The following UBALD1 variants were observed in gnomAD, a reference collection of about 807,000 sequenced individuals.
The protein encoded by UBALD1 is UBA-like domain-containing protein 1.
UBALD1 carries 5 observed loss-of-function variants against 16.1 expected under a neutral mutation model. The ratio of observed to expected loss-of-function variants is 0.31; its 90% CI spans 0.16 to 0.66. The LOEUF (loss-of-function observed/expected upper bound fraction) is 0.66. Ranked by LOEUF, UBALD1 falls within the 30% of genes least tolerant of loss-of-function variation. The pLI, the probability that UBALD1 is intolerant of heterozygous loss-of-function variation, is 0.77. For missense variants in UBALD1, 220 were observed against 252.8 expected (o/e 0.87, Z 0.88); for synonymous variants, 146 against 105.3 (o/e 1.39, Z -2.37).
rs762398208 is a variant in UBALD1, at chr16:4,609,731, G to T, written c.436C>A (p.Pro146Thr). The T allele has an allele frequency of 6.7e-7, 1 of 1,491,992 alleles. No individual in the cohort carries two copies. The allele number at this position is 1,491,992 out of a possible 1,614,324, so 92.4% of individuals were successfully genotyped here. ...HHQPQPPLWT[P>T]TPPSPASDWP... is the part of the protein sequence containing the mutation. ...TCTGAAGCCGGAGAAGGGGGTGTTGGAGTCCACAGGGGCGGCTGTGGCTGG... is the reference window on the plus strand; with the variant it reads ...TCTGAAGCCGGAGAAGGGGGTGTTGTAGTCCACAGGGGCGGCTGTGGCTGG... Residue 146 changes from proline to threonine, a missense_variant, in exon 3 of 3, where the codon CCA becomes ACA. Physicochemically the swap from Pro to Thr is conservative, Grantham distance 38 (BLOSUM62 -1). This residue lies in a region of UBALD1 where 151 missense variants were observed against 132.6 expected (regional missense o/e 1.14). Coordinates refer to ENST00000283474, the MANE Select transcript of UBALD1 (RefSeq NM_145253.3).
Position 4,609,653 on chromosome 16 carries a change from C to A in UBALD1, c.514G>T (p.Ala172Ser). ...QATSEPRAHPAMEAER is the reference protein window; with the variant it reads ...QATSEPRAHPSMEAER ...CTCCCTTATCTCTCTGCCTCCATGG[C>A]AGGGTGGGCCCTGGGTTCTGAGGTG... Residue 172 changes from alanine (A) to serine (S), a missense_variant, in exon 3 of 3, where the codon GCC becomes TCC. Physicochemically the swap from Ala to Ser is moderately conservative, Grantham distance 99. Coordinates refer to ENST00000283474, the MANE Select transcript of UBALD1 (RefSeq NM_145253.3). The A allele has an allele frequency of 7.0e-7, 1 of 1,419,598 alleles. No individual in the cohort carries two copies. The highest frequency in any genetic ancestry group is 9.2e-7 in the Non-Finnish European group (1 of 1,085,290). 87.9% of individuals were successfully genotyped at this position (1,419,598 alleles called of 1,614,324 possible).
chr16:4,611,881 C>A (rs538723319), intron 1 of UBALD1, among the ~76,000 whole-genome samples: 2 of 152,190 alleles, frequency 1.3e-5, no homozygotes, highest in African/African-American at 2.4e-5. Flanking sequence ...CGGGGCCCTG[C>A]CAAGTCCCAG....
intron 1 of UBALD1, among the ~76,000 whole-genome samples, chr16:4,612,063 ATTTTTT>A (rs35403269): frequency 8.5e-6 from 1 of 117,168 alleles, no homozygotes. Flanking sequence ...GGCTATTTAG[ATTTTTT>A]TTTTTTTTTT....
chr16:4,614,567 G>T, intron 1 of UBALD1, 111 bp downstream of exon 1: 1 of 1,284,506 alleles, frequency 7.8e-7, no homozygotes, highest in Non-Finnish European at 9.9e-7. Context: ...TCTGCGGCCC[G>T]GAGGGGGCGC....
chr16:4,610,288 G>GC (rs759408427), intron 2 of UBALD1: 2 of 714,498 alleles, frequency 2.8e-6, no homozygotes, highest in Non-Finnish European at 5.0e-6. Context: ...AGAGGCCAGC[G>GC]CCCCCCAGGT....
intron 1 of UBALD1, among the ~76,000 whole-genome samples, chr16:4,612,215 C>T (rs938358278): frequency 4.6e-5 from 7 of 152,144 alleles, no homozygotes; most frequent in East Asian, 1.9e-4. Context: ...AGGCACGTGC[C>T]ACCACACCTG....
chr16:4,614,270 T>C, intron 1 of UBALD1: 2 of 351,690 alleles, frequency 5.7e-6, no homozygotes, highest in East Asian at 8.4e-5. Context: ...ACGCGGACCC[T>C]CGGACCACTC....
At chr16:4,610,760 T>G in intron 1 of UBALD1, 1 of 573,692 alleles carries the variant, frequency 1.7e-6, no homozygotes, top group Non-Finnish European at 3.1e-6. Context: ...CCTTGGGCAG[T>G]TGGGGTGGGT....
chr16:4,610,003 G>A lies in UBALD1; in HGVS notation c.184-20C>T, dbSNP rs1006300490. On this transcript the variant is annotated intron_variant, in intron 2 of 2. Coordinates refer to ENST00000283474, the MANE Select transcript of UBALD1 (RefSeq NM_145253.3). ...GCACATCTGTGAGGGGAAGAGAGGA[G>A]AGATGGGGTGAGCACCCCTTCCTGG... 2.0e-6 allele frequency: 3 copies of A among 1,532,074 alleles called. No homozygotes were observed. The highest frequency in any genetic ancestry group is 4.6e-5 in the East Asian group (2 of 43,180). The allele number at this position is 1,532,074 out of a possible 1,614,324, so 94.9% of individuals were successfully genotyped here. A position where few individuals can be genotyped will look rare whatever the true frequency, so the allele number is the denominator to read the frequency against.
intron 1 of UBALD1, 135 bp from the exon 2 acceptor site, chr16:4,610,690 G>A (rs776384386): frequency 1.1e-6 from 1 of 946,098 alleles, no homozygotes. Context: ...GCGGTGCTGA[G>A]GCTCAGTGGC....
chr16:4,610,679 C>A, intron 1 of UBALD1, 124 bp from the exon 2 acceptor site: 1 of 1,105,928 alleles, frequency 9.0e-7, no homozygotes, highest in South Asian at 1.5e-5. Flanking sequence ...AGGGGTGAGT[C>A]GCGGTGCTGA....
At chr16:4,613,581 A>G (rs1008684757) in intron 1 of UBALD1, among the ~76,000 whole-genome samples, 2 of 152,058 alleles carry the variant, frequency 1.3e-5, no homozygotes, top group African/African-American at 4.8e-5. Context: ...CCTCATGGAG[A>G]AACCAGGTTC....
intron 1 of UBALD1, 174 bp downstream of exon 1, chr16:4,614,504 G>T: frequency 8.7e-7 from 1 of 1,146,572 alleles, no homozygotes; most frequent in African/African-American, 1.6e-5. Flanking sequence ...TCCGCCCGCC[G>T]CGAGCCCTTG....
chr16:4,612,831 C>G (rs969751989), intron 1 of UBALD1, among the ~76,000 whole-genome samples: 2 of 152,154 alleles, frequency 1.3e-5, no homozygotes, highest in Non-Finnish European at 2.9e-5. Context: ...GCGGCCCCCA[C>G]TTTACAGATG....
Position 4,609,437 on chromosome 16 carries a change from G to A in UBALD1, c.*196C>T, listed in dbSNP as rs940765585. On this transcript the variant is annotated 3_prime_UTR_variant, in exon 3 of 3. Coordinates refer to ENST00000283474, the MANE Select transcript of UBALD1 (RefSeq NM_145253.3). Reference sequence around the variant, plus strand: ...ACCACTCCATGTGCCGGGGCCGCTGGGGCCATGACCTTGCGTGTGGGCAGC... The same window carrying A: ...ACCACTCCATGTGCCGGGGCCGCTGAGGCCATGACCTTGCGTGTGGGCAGC... The A allele has an allele frequency of 4.5e-5, 18 of 400,974 alleles. No homozygotes were observed. The Admixed American group carries it at 7.8e-4, about 17-fold the overall frequency. The allele number at this position is 400,974 out of a possible 1,614,324, so 24.8% of individuals were successfully genotyped here.
chr16:4,613,454 C>T (rs1427503518), intron 1 of UBALD1, among the ~76,000 whole-genome samples: 1 of 152,156 alleles, frequency 6.6e-6, no homozygotes, highest in Non-Finnish European at 1.5e-5. Context: ...GATGGGATGG[C>T]CACTGCCTTC....
Position 4,609,802 on chromosome 16 carries a change from G to T in UBALD1, c.365C>A (p.Ser122Tyr). The T allele has an allele frequency of 1.3e-6, 2 of 1,511,824 alleles. No individual in the cohort carries two copies. The highest frequency in any genetic ancestry group is 1.8e-6 in the Non-Finnish European group (2 of 1,132,480). The allele number at this position is 1,511,824 out of a possible 1,614,324, so 93.7% of individuals were successfully genotyped here. Residue 122 changes from serine (S) to tyrosine (Y), a missense_variant, in exon 3 of 3, where the codon TCC becomes TAC. Around this residue, in one of 2 missense-constraint regions of UBALD1, gnomAD observed 151 missense variants for 132.6 expected, o/e 1.14. Transcript: ENST00000283474. ...PHAATSSSAASSWPTAASPPG... is the reference protein window; with the variant it reads ...PHAATSSSAAYSWPTAASPPG... ...GGGCGAGGCCGCCGTGGGCCAGCTG[G>T]AGGCCGCAGAGCTGCTGGTGGCGGC... is the stretch of plus-strand genomic sequence containing the variant.
intron 1 of UBALD1, among the ~76,000 whole-genome samples, chr16:4,613,612 G>A (rs1314291979): frequency 6.6e-6 from 1 of 152,200 alleles, no homozygotes; most frequent in Non-Finnish European, 1.5e-5. Flanking sequence ...GCTGGGCACA[G>A]ATGGTACCGG....
At position 4,609,067 on chromosome 16, in the gene UBALD1, G is replaced by A. The variant is rs761420427; in HGVS notation, c.*566C>T. ...GAACAGCAACGCTGGCTGACGAGGG[G>A]GTGGGGAGGAGGCAGGGCCCTGGGG... On this transcript the variant is annotated 3_prime_UTR_variant, in exon 3 of 3. Transcript: ENST00000283474. 5 of 151,850 alleles carry A rather than the reference G, an allele frequency of 3.3e-5. No homozygotes were observed. Among genetic ancestry groups the A allele is most frequent in the African/African-American group, 1.2e-4 (5 of 41,326 alleles). 9.4% of individuals were successfully genotyped at this position (151,850 alleles called of 1,614,324 possible). A position where few individuals can be genotyped will look rare whatever the true frequency, so the allele number is the denominator to read the frequency against.
Sources: allele counts gnomAD v4.1 joint callset (sites outside exome capture counted in the v4.1 genomes callset), GRCh38; gene constraint gnomAD v4.1.1; regional missense constraint gnomAD v4.1.1; transcripts MANE v1.5; gene names NCBI Gene and HGNC (gene_info 2026-07-23, HGNC 2026-07-21).